CGNL1: variants seen among roughly 807,000 people sequenced by gnomAD.
The protein encoded by CGNL1 is cingulin-like protein 1.
Under a neutral mutation model 141.2 loss-of-function variants are expected in CGNL1, and 132 were observed. The observed-to-expected ratio is 0.93, with a 90% CI of 0.81 to 1.08. CGNL1 has a LOEUF of 1.08. Ranked by LOEUF, CGNL1 falls within the 50% of genes least tolerant of loss-of-function variation. CGNL1 has a pLI of 0.00. For synonymous variants in CGNL1, 690 were observed against 622.1 expected (o/e 1.11, Z -1.63); for missense variants, 1,870 against 1,588.6 (o/e 1.18, Z -3.01).
chr15:57,457,624 C>G (rs985606683), intron 7 of CGNL1, among the ~76,000 whole-genome samples: 2 of 152,148 alleles, frequency 1.3e-5, no homozygotes, highest in African/African-American at 2.4e-5. Flanking sequence ...ATAATCGTGG[C>G]AGAGGGTGAA....
chr15:57,515,921 G>C (rs1337127337), intron 8 of CGNL1, among the ~76,000 whole-genome samples: 1 of 152,094 alleles, frequency 6.6e-6, no homozygotes, highest in African/African-American at 2.4e-5. Context: ...CACTTTGGGA[G>C]GCCGAGGCAG....
chr15:57,388,981 T>G (rs1435153348), intron 1 of CGNL1, among the ~76,000 whole-genome samples: 1 of 152,204 alleles, frequency 6.6e-6, no homozygotes, highest in African/African-American at 2.4e-5. Context: ...GAAATAAAAT[T>G]CTAAAGGTAA....
intron 4 of CGNL1, among the ~76,000 whole-genome samples, chr15:57,445,986 A>G (rs1367367999): frequency 6.6e-6 from 1 of 152,220 alleles, no homozygotes; most frequent in Non-Finnish European, 1.5e-5. Flanking sequence ...TAAAAGGAGA[A>G]AGCCAATTTA....
rs112670309 is a variant in CGNL1, at chr15:57,386,767, G to A, written c.-16+10200G>A. Among the ~76,000 whole-genome samples the A allele has an allele frequency of 1.4e-3, 208 of 152,276 alleles. 1 individual carries two copies. The highest frequency in any genetic ancestry group is 4.5e-3 in the African/African-American group (189 of 41,550). Reference sequence around the variant, plus strand: ...AGCGACTGGTCCTTGTGAGGTGTGCGGTGAAGATGGGAGCTTAGCTCAATA... The same window carrying A: ...AGCGACTGGTCCTTGTGAGGTGTGCAGTGAAGATGGGAGCTTAGCTCAATA... On this transcript the variant is annotated intron_variant, in intron 1 of 18. Transcript: ENST00000281282.
At chr15:57,384,266 C>A (rs796572269) in intron 1 of CGNL1, among the ~76,000 whole-genome samples, 2 of 152,144 alleles carry the variant, frequency 1.3e-5, no homozygotes, top group Non-Finnish European at 1.5e-5. Context: ...TTGCCAGACA[C>A]TTTCCAGGAG....
intron 8 of CGNL1, among the ~76,000 whole-genome samples, chr15:57,515,065 C>G (rs1215764205): frequency 6.6e-6 from 1 of 152,168 alleles, no homozygotes; most frequent in Non-Finnish European, 1.5e-5. Flanking sequence ...CTTTTTCTTT[C>G]CCTGGTCTGA....
chr15:57,492,825 T>C (rs1215471304), intron 8 of CGNL1, among the ~76,000 whole-genome samples: 1 of 152,006 alleles, frequency 6.6e-6, no homozygotes, highest in Non-Finnish European at 1.5e-5. Flanking sequence ...AGAGAGGAGG[T>C]AGATGCTGAG....
intron 5 of CGNL1, 31 bp from the exon 6 acceptor site, chr15:57,452,110 G>A (rs1397282859): frequency 6.2e-7 from 1 of 1,601,580 alleles, no homozygotes; most frequent in African/African-American, 1.3e-5. Context: ...GTACAGTGGA[G>A]GCTCTTTAAA....
intron 1 of CGNL1, among the ~76,000 whole-genome samples, chr15:57,400,060 C>G (rs1290793310): frequency 6.7e-6 from 1 of 149,656 alleles, no homozygotes; most frequent in Non-Finnish European, 1.5e-5. Flanking sequence ...GTGGCATAAT[C>G]AAAGCTCACT....
intron 9 of CGNL1, among the ~76,000 whole-genome samples, 183 bp downstream of exon 9, chr15:57,517,169 G>T (rs553959888): frequency 6.6e-6 from 1 of 152,140 alleles, no homozygotes; most frequent in African/African-American, 2.4e-5. Context: ...TGACAGGGAG[G>T]CCAGGGAACA....
chr15:57,406,033 C>T (rs2062718888), intron 1 of CGNL1: 1 of 152,308 alleles, frequency 6.6e-6, no homozygotes, highest in Admixed American at 6.5e-5. Context: ...GGAAGCAAAG[C>T]AGAGGTGGAG....
In CGNL1 at chr15:57,438,386, T is replaced by G; in HGVS notation, c.387T>G (p.Val129=). The G allele has an allele frequency of 2.5e-6, 4 of 1,614,092 alleles. No individual in the cohort carries two copies. Among genetic ancestry groups the G allele is most frequent in the Non-Finnish European group, 3.4e-6 (4 of 1,180,022 alleles). Residue 129 remains valine (V), a synonymous_variant, in exon 2 of 19, where the codon GTT becomes GTG. Coordinates refer to ENST00000281282, the MANE Select transcript of CGNL1 (RefSeq NM_032866.5). ...TGCTCCATGAGGGCAAGAATGGAGT[T>G]CTAGATCGCAAAGACGGGTCTGTGA... ...QPLLHEGKNG[V]LDRKDGSVKP... is the part of the protein sequence containing the mutation.
intron 18 of CGNL1, 34 bp downstream of exon 18, chr15:57,546,273 A>G: frequency 6.5e-7 from 1 of 1,538,122 alleles, no homozygotes; most frequent in East Asian, 2.4e-5. Flanking sequence ...AGGGCCGGGT[A>G]ATCTCCCCAC....
intron 14 of CGNL1, among the ~76,000 whole-genome samples, chr15:57,537,528 T>C (rs1468201992): frequency 6.6e-6 from 1 of 152,182 alleles, no homozygotes; most frequent in Non-Finnish European, 1.5e-5. Flanking sequence ...TACAGTTGAT[T>C]AATAACAATT....
intron 12 of CGNL1, among the ~76,000 whole-genome samples, chr15:57,526,876 G>T (rs372277527): frequency 6.6e-6 from 1 of 152,112 alleles, no homozygotes; most frequent in Non-Finnish European, 1.5e-5. Flanking sequence ...GGCACGCTGG[G>T]CATTGGGAAG....
intron 1 of CGNL1, among the ~76,000 whole-genome samples, chr15:57,390,064 C>T (rs2062525675): frequency 6.6e-6 from 1 of 152,216 alleles, no homozygotes; most frequent in Non-Finnish European, 1.5e-5. Context: ...GATCCACCTG[C>T]CTTGGCCTTC....
intron 14 of CGNL1, among the ~76,000 whole-genome samples, chr15:57,532,272 G>C (rs2031995147): frequency 6.6e-6 from 1 of 152,154 alleles, no homozygotes; most frequent in African/African-American, 2.4e-5. Context: ...CTTTGAAACT[G>C]CTGCTGAGTG....
chr15:57,450,385 T>G (rs1025224130), intron 4 of CGNL1, among the ~76,000 whole-genome samples: 2 of 152,220 alleles, frequency 1.3e-5, no homozygotes, highest in African/African-American at 4.8e-5. Flanking sequence ...CAAGCGATTC[T>G]TCTGCCTCAG....
At chr15:57,508,121 T>C (rs73423504) in intron 8 of CGNL1, among the ~76,000 whole-genome samples, 3,699 of 152,272 alleles carry the variant, frequency 0.024, 147 homozygotes, top group African/African-American at 0.084. Context: ...CCTCTACTTC[T>C]TTGCCACTTC....
Sources: allele counts gnomAD v4.1 joint callset (sites outside exome capture counted in the v4.1 genomes callset), GRCh38; gene constraint gnomAD v4.1.1; transcripts MANE v1.5; gene names NCBI Gene and HGNC (gene_info 2026-07-23, HGNC 2026-07-21).